Variants in SDK1 observed in about 807,000 individuals in gnomAD.
SDK1 encodes the protein protein sidekick-1.
Under a neutral mutation model 245.5 loss-of-function variants are expected in SDK1, and 157 were observed. The ratio of observed to expected loss-of-function variants is 0.64; its 90% CI spans 0.56 to 0.73. SDK1 has a LOEUF of 0.73. SDK1 is among the 30% of genes least tolerant of loss of function. The pLI is 0.00. For synonymous variants in SDK1, 1,647 were observed against 1,278.5 expected, an observed-to-expected ratio of 1.29 and a Z score of -6.15; for missense variants, 3,583 against 3,002.3, an observed-to-expected ratio of 1.19 and a Z score of -4.52.
At chr7:3,787,735 A>C (rs972638412) in intron 4 of SDK1, among the ~76,000 whole-genome samples, 1 of 152,178 alleles carries the variant, frequency 6.6e-6, no homozygotes, top group Admixed American at 6.5e-5. Context: ...CTCTCTAAAA[A>C]ACTCTCTGAA....
chr7:3,882,198 C>G (rs781722465), intron 5 of SDK1, among the ~76,000 whole-genome samples: 50 of 152,044 alleles, frequency 3.3e-4, no homozygotes, highest in Non-Finnish European at 6.3e-4. Context: ...AGTTATCTCC[C>G]AGCCGGTCCC....
chr7:3,671,018 T>C (rs913869632), intron 4 of SDK1, among the ~76,000 whole-genome samples: 4 of 152,200 alleles, frequency 2.6e-5, no homozygotes, highest in Admixed American at 6.5e-5. Context: ...AAACAGTTCA[T>C]TGCATAACTA....
intron 5 of SDK1, among the ~76,000 whole-genome samples, chr7:3,938,659 A>AAAAAAAAAAAAAAAAAAAAAAAAAAAAAG (rs1554284813): frequency 1.3e-5 from 2 of 150,954 alleles, no homozygotes; most frequent in African/African-American, 2.5e-5. Flanking sequence ...AAAAAAAAAA[A>AAAAAAAAAAAAAAAAAAAAAAAAAAAAAG]AGAGATCCTC....
At chr7:4,040,687 A>C (rs1449063084) in intron 17 of SDK1, among the ~76,000 whole-genome samples, 2 of 152,218 alleles carry the variant, frequency 1.3e-5, no homozygotes, top group African/African-American at 4.8e-5. Context: ...CATAAGGCAC[A>C]AAAAACCAGG....
At chr7:3,940,537 G>A (rs994311979) in intron 5 of SDK1, among the ~76,000 whole-genome samples, 2 of 152,116 alleles carry the variant, frequency 1.3e-5, no homozygotes, top group African/African-American at 4.8e-5. Context: ...GACTCCCTGG[G>A]CCTCCTCTTT....
chr7:3,672,796 A>ATAAAT (rs1554307151), intron 4 of SDK1, among the ~76,000 whole-genome samples: 1 of 53,414 alleles, frequency 1.9e-5, no homozygotes, highest in South Asian at 6.2e-4. Context: ...TATATATATA[A>ATAAAT]AAAATACAGA....
intron 5 of SDK1, among the ~76,000 whole-genome samples, chr7:3,849,343 C>G (rs1362082705): frequency 6.6e-6 from 1 of 152,186 alleles, no homozygotes; most frequent in African/African-American, 2.4e-5. Context: ...GAGCTCCTTT[C>G]CTGGCAACAC....
chr7:3,778,320 C>A (rs908255809), intron 4 of SDK1, among the ~76,000 whole-genome samples: 6 of 152,136 alleles, frequency 3.9e-5, no homozygotes, highest in African/African-American at 1.4e-4. Context: ...CAAGGTGATA[C>A]TATATTTTAG....
At chr7:3,758,155 C>A (rs1583382601) in intron 4 of SDK1, among the ~76,000 whole-genome samples, 1 of 152,188 alleles carries the variant, frequency 6.6e-6, no homozygotes, top group Non-Finnish European at 1.5e-5. Context: ...TATGTTAAAA[C>A]CGCCACTGTA....
At chr7:4,174,475 C>T (rs925266673) in intron 33 of SDK1, 118 bp downstream of exon 33, 18 of 1,186,282 alleles carry the variant, frequency 1.5e-5, no homozygotes, top group Non-Finnish European at 2.0e-5. Flanking sequence ...AAGAGGCAGC[C>T]CTGCCCTCAG....
At chr7:3,355,894 G>A (rs1036970683) in intron 1 of SDK1, among the ~76,000 whole-genome samples, 2 of 152,152 alleles carry the variant, frequency 1.3e-5, no homozygotes, top group African/African-American at 4.8e-5. Flanking sequence ...ACTTGATCCT[G>A]CTGTTTGTTC....
chr7:3,565,697 A>G (rs1222365239), intron 1 of SDK1, among the ~76,000 whole-genome samples: 1 of 152,234 alleles, frequency 6.6e-6, no homozygotes, highest in Non-Finnish European at 1.5e-5. Flanking sequence ...GTATTTGGAT[A>G]TAACCTGTGC....
intron 17 of SDK1, among the ~76,000 whole-genome samples, chr7:4,031,569 A>G (rs2128158699): frequency 6.6e-6 from 1 of 151,646 alleles, no homozygotes; most frequent in Admixed American, 6.6e-5. Flanking sequence ...CCAAATAAAG[A>G]CACACACACT....
chr7:4,238,879 T>C (rs1019033341), intron 42 of SDK1, among the ~76,000 whole-genome samples: 1 of 151,566 alleles, frequency 6.6e-6, no homozygotes, highest in Non-Finnish European at 1.5e-5. Context: ...AAAAAAAGTA[T>C]AGAGCATTAA....
intron 29 of SDK1, among the ~76,000 whole-genome samples, chr7:4,147,894 G>A (rs1416610672): frequency 1.3e-5 from 2 of 152,142 alleles, no homozygotes; most frequent in African/African-American, 2.4e-5. Flanking sequence ...CCGCGAGCCA[G>A]GCACGTGTGC....
chr7:3,429,233 A>T (rs1415004086), intron 1 of SDK1, among the ~76,000 whole-genome samples: 1 of 62,734 alleles, frequency 1.6e-5, no homozygotes, highest in African/African-American at 8.6e-5. Context: ...GAGAAAAAAT[A>T]TGATAAAAGG....
Position 4,012,155 on chromosome 7 carries a change from G to A in SDK1, c.2340G>A (p.Arg780=). 5 of 1,579,782 alleles carry A rather than the reference G, an allele frequency of 3.2e-6. No homozygotes were observed. Among genetic ancestry groups the A allele is most frequent in the Non-Finnish European group, 4.3e-6 (5 of 1,163,310 alleles). Residue 780 remains arginine (R), a synonymous_variant, in exon 16 of 45, where the codon CGG becomes CGA. Transcript: ENST00000404826. The stretch of plus-strand genomic sequence containing the variant: ...CGAAAAATATAGTGGCCAGTGGGCG[G>A]ACTAATCAGTCCATTATGGTCCAGT... ...APPKNIVASG[R]TNQSIMVQWQ...
intron 1 of SDK1, among the ~76,000 whole-genome samples, chr7:3,560,846 G>T (rs1779729572): frequency 6.6e-6 from 1 of 152,070 alleles, no homozygotes; most frequent in South Asian, 2.1e-4. Flanking sequence ...TGCTGCTTCT[G>T]GGGTCTGCAT....
intron 1 of SDK1, among the ~76,000 whole-genome samples, chr7:3,464,136 C>T (rs147066233): frequency 1.4e-4 from 22 of 152,318 alleles, no homozygotes; most frequent in Admixed American, 3.3e-4. Flanking sequence ...ATTACACTGA[C>T]GCATCGTTCC....
Sources: allele counts gnomAD v4.1 joint callset (sites outside exome capture counted in the v4.1 genomes callset), GRCh38; gene constraint gnomAD v4.1.1; transcripts MANE v1.5; gene names NCBI Gene and HGNC (gene_info 2026-07-23, HGNC 2026-07-21).